BCL2: variants seen among roughly 807,000 people sequenced by gnomAD.
BCL2 encodes the protein BCL2 apoptosis regulator.
In BCL2, 1 loss-of-function variant was observed where a neutral mutation model predicts 14.2. That is an observed-to-expected ratio of 0.07 (90% CI 0.02 to 0.33). The LOEUF (loss-of-function observed/expected upper bound fraction) is 0.33. Among genes scored for constraint, BCL2 ranks in the 10% least tolerant of loss-of-function variants. BCL2 has a pLI of 0.99. For missense variants in BCL2, 247 were observed against 305.9 expected (o/e 0.81, Z 1.44); for synonymous variants, 151 against 137.2 (o/e 1.10, Z -0.70).
At chr18:63,148,294 T>C (rs770367261) in intron 2 of BCL2, among the ~76,000 whole-genome samples, 3 of 152,208 alleles carry the variant, frequency 2.0e-5, no homozygotes, top group Non-Finnish European at 4.4e-5. Context: ...AGATGATGTA[T>C]ACTTTTAACA....
At chr18:63,303,690 T>C (rs568185889) in intron 2 of BCL2, among the ~76,000 whole-genome samples, 2 of 152,316 alleles carry the variant, frequency 1.3e-5, no homozygotes, top group East Asian at 1.9e-4. Flanking sequence ...GGAGAGGTTA[T>C]TGAGGTTAAA....
Position 63,234,802 on chromosome 18 carries a change from C to G in BCL2, c.585+83280G>C, listed in dbSNP as rs148127585. Reference sequence around the variant, plus strand: ...GATGTACTATCCTCATCTAAAAATGCAAACAGAGATAGCATCTAGCTCACA... The same window carrying G: ...GATGTACTATCCTCATCTAAAAATGGAAACAGAGATAGCATCTAGCTCACA... On this transcript the variant is annotated intron_variant, in intron 2 of 2. Transcript: ENST00000333681. 9.3e-4 allele frequency among the ~76,000 whole-genome samples: 141 copies of G among 152,230 alleles called. 2 individuals carry two copies. The highest frequency in any genetic ancestry group is 2.6e-4 in the Non-Finnish European group (18 of 68,008).
chr18:63,133,439 C>G (rs1914125595), intron 2 of BCL2, among the ~76,000 whole-genome samples: 1 of 148,670 alleles, frequency 6.7e-6, no homozygotes, highest in Non-Finnish European at 1.5e-5. Flanking sequence ...TACAGGTACC[C>G]TCTACTACGC....
At chr18:63,202,690 C>T (rs1909730093) in intron 2 of BCL2, among the ~76,000 whole-genome samples, 2 of 152,172 alleles carry the variant, frequency 1.3e-5, no homozygotes, top group Admixed American at 1.3e-4. Context: ...CATCAAATTT[C>T]TATCTTTCTT....
Position 63,126,316 on chromosome 18 carries a change from C to T in BCL2, c.*2309G>A, listed in dbSNP as rs4987855. 13,878 of 220,572 alleles carry T rather than the reference C, an allele frequency of 0.063. 585 individuals are homozygous for T. Among genetic ancestry groups the T allele is most frequent in the Non-Finnish European group, 0.093 (10,206 of 109,678 alleles). The allele number at this position is 220,572 out of a possible 1,614,324, so 13.7% of individuals were successfully genotyped here. On this transcript the variant is annotated 3_prime_UTR_variant, in exon 3 of 3. Coordinates refer to ENST00000333681, the MANE Select transcript of BCL2 (RefSeq NM_000633.3). ...TGAAGGACAGCCATGAGAAAGCCCC[C>T]GCGGAAGGAGGGCAGGAGGGCTCTG... is the stretch of plus-strand genomic sequence containing the variant.
chr18:63,286,707 C>G (rs1912484829), intron 2 of BCL2, among the ~76,000 whole-genome samples: 1 of 152,076 alleles, frequency 6.6e-6, no homozygotes, highest in South Asian at 2.1e-4. Context: ...CGGCAGTTTC[C>G]AGGTGAGAGG....
chr18:63,174,820 C>CAAAAAAA (rs953107518), intron 2 of BCL2, among the ~76,000 whole-genome samples: 10 of 72,264 alleles, frequency 1.4e-4, no homozygotes, highest in African/African-American at 4.5e-4. Context: ...GACTTTGTCT[C>CAAAAAAA]AAAAAAAAAA....
rs868555457 is a variant in BCL2, at chr18:63,169,337, C to T, written c.586-40578G>A. On this transcript the variant is annotated intron_variant, in intron 2 of 2. Transcript: ENST00000333681. ...CTTCCTTCCTTCTTTCCTTTCCTTC[C>T]TTTCTTTCTTTCTTTCTTTCTTTCT... is the stretch of plus-strand genomic sequence containing the variant. Among the ~76,000 whole-genome samples the T allele has an allele frequency of 3.0e-3, 33 of 11,164 alleles. 2 individuals are homozygous for T. The highest frequency in any genetic ancestry group is 0.013 in the African/African-American group (22 of 1,700). 7.3% of individuals were successfully genotyped at this position (11,164 alleles called of 152,430 possible).
rs532904955 is a variant in BCL2 at position 63,211,521 on chromosome 18, C to T, written c.586-82762G>A. On this transcript the variant is annotated intron_variant, in intron 2 of 2. Transcript: ENST00000333681. ...TTAAGCTATCTATATATTTTTAAGT[C>T]TTCACCTTTAAACCTTCACTGACTT... Among the ~76,000 whole-genome samples the T allele has an allele frequency of 4.3e-4, 65 of 152,260 alleles. No homozygotes were observed. In the South Asian group the frequency reaches 0.011, roughly 26 times the overall value.
At chr18:63,132,130 G>C (rs1483701704) in intron 2 of BCL2, among the ~76,000 whole-genome samples, 1 of 152,232 alleles carries the variant, frequency 6.6e-6, no homozygotes, top group Non-Finnish European at 1.5e-5. Context: ...GCTGAGAAGG[G>C]CATGGGACTT....
intron 2 of BCL2, among the ~76,000 whole-genome samples, chr18:63,295,015 A>AT (rs1032690142): frequency 2.6e-5 from 4 of 150,964 alleles, no homozygotes; most frequent in African/African-American, 4.9e-5. Context: ...AAAAAAAAAA[A>AT]TTAGCCAGGC....
intron 2 of BCL2, among the ~76,000 whole-genome samples, chr18:63,134,628 T>C (rs1315226102): frequency 6.6e-6 from 1 of 152,190 alleles, no homozygotes; most frequent in African/African-American, 2.4e-5. Context: ...TGACTATGCA[T>C]GCAGACGTTA....
intron 2 of BCL2, among the ~76,000 whole-genome samples, chr18:63,138,157 T>C (rs1914259431): frequency 6.6e-6 from 1 of 152,238 alleles, no homozygotes; most frequent in Admixed American, 6.5e-5. Flanking sequence ...AGCAAGATTC[T>C]CCTGACACCA....
chr18:63,126,518 C>T lies in BCL2; in HGVS notation c.*2107G>A, dbSNP rs139528731. ...AATTAAATGCGGAATTGCCCAGGGA[C>T]GAGGAAACCTTCAAGAAACAAGGTC... On this transcript the variant is annotated 3_prime_UTR_variant, in exon 3 of 3. Coordinates refer to ENST00000333681, the MANE Select transcript of BCL2 (RefSeq NM_000633.3). 160 of 228,542 alleles carry T rather than the reference C, an allele frequency of 7.0e-4. 2 individuals carry two copies. Among genetic ancestry groups the T allele is most frequent in the African/African-American group, 3.0e-3 (134 of 45,138 alleles). 14.2% of individuals were successfully genotyped at this position (228,542 alleles called of 1,614,324 possible).
chr18:63,215,182 A>G (rs1290645132), intron 2 of BCL2, among the ~76,000 whole-genome samples: 1 of 152,180 alleles, frequency 6.6e-6, no homozygotes, highest in Admixed American at 6.5e-5. Context: ...CCTTTCTTGC[A>G]ATTTAGAGGC....
At chr18:63,223,038 T>C (rs967821101) in intron 2 of BCL2, among the ~76,000 whole-genome samples, 1 of 152,166 alleles carries the variant, frequency 6.6e-6, no homozygotes, top group African/African-American at 2.4e-5. Context: ...CAGTGGATCC[T>C]CCAAAGGCTC....
intron 2 of BCL2, among the ~76,000 whole-genome samples, chr18:63,156,877 G>A (rs1282084313): frequency 2.0e-5 from 3 of 152,188 alleles, no homozygotes; most frequent in African/African-American, 7.2e-5. Context: ...TCTCTCTGGT[G>A]GAGGAGTAAA....
At chr18:63,281,771 A>G (rs1402221774) in intron 2 of BCL2, among the ~76,000 whole-genome samples, 2 of 152,204 alleles carry the variant, frequency 1.3e-5, no homozygotes, top group African/African-American at 4.8e-5. Flanking sequence ...AAAAGAAAAG[A>G]AATAGTAGCA....
intron 2 of BCL2, among the ~76,000 whole-genome samples, chr18:63,188,261 C>T (rs1053249727): frequency 5.3e-5 from 8 of 152,176 alleles, no homozygotes; most frequent in Non-Finnish European, 8.8e-5. Context: ...CAGTCTTTGG[C>T]GTTAGACCTG....
Sources: gnomAD v4.1 joint callset for allele counts (sites outside exome capture counted in the v4.1 genomes callset) on GRCh38, gnomAD v4.1.1 for gene constraint, MANE v1.5 for transcripts, NCBI Gene and HGNC (gene_info 2026-07-23, HGNC 2026-07-21) for gene names.